Variants in CDKAL1 observed in about 807,000 individuals in gnomAD.
CDKAL1 encodes threonylcarbamoyladenosine tRNA methylthiotransferase.
In CDKAL1, 32 loss-of-function variants were observed where a neutral mutation model predicts 68.2. That is an observed-to-expected ratio of 0.47 (90% CI 0.35 to 0.63). The LOEUF is 0.63. Ranked by LOEUF, CDKAL1 falls within the 30% of genes least tolerant of loss-of-function variation. The pLI, the probability that CDKAL1 is intolerant of heterozygous loss-of-function variation, is 0.00. For missense variants in CDKAL1, 606 were observed against 696.7 expected (o/e 0.87, Z 1.47); for synonymous variants, 234 against 244.3 (o/e 0.96, Z 0.39).
chr6:20,860,037 A>G (rs1759530576), intron 9 of CDKAL1, among the ~76,000 whole-genome samples: 1 of 152,006 alleles, frequency 6.6e-6, no homozygotes, highest in South Asian at 2.1e-4. Flanking sequence ...ATTCTCTATC[A>G]TATCACTCTG....
intron 7 of CDKAL1, among the ~76,000 whole-genome samples, chr6:20,762,707 G>A (rs1774522961): frequency 6.6e-6 from 1 of 152,124 alleles, no homozygotes; most frequent in African/African-American, 2.4e-5. Flanking sequence ...ACATATTAAG[G>A]CATTAGTTCA....
At chr6:20,974,220 A>G (rs1207505415) in intron 10 of CDKAL1, among the ~76,000 whole-genome samples, 2 of 152,234 alleles carry the variant, frequency 1.3e-5, no homozygotes, top group East Asian at 3.8e-4. Context: ...CAGAAAAGAC[A>G]ATGGAAAGAC....
intron 4 of CDKAL1, among the ~76,000 whole-genome samples, chr6:20,555,625 G>GTT (rs61408771): frequency 0.13 from 15,888 of 123,610 alleles, 1,311 homozygotes; most frequent in African/African-American, 0.15. Flanking sequence ...AGCCAGAGTT[G>GTT]TTTTTTTTTT....
At chr6:20,712,286 T>C (rs1248325180) in intron 5 of CDKAL1, among the ~76,000 whole-genome samples, 1 of 152,088 alleles carries the variant, frequency 6.6e-6, no homozygotes, top group Non-Finnish European at 1.5e-5. Context: ...AATCCAAAGT[T>C]GCAATGGTCA....
rs112770945 is a variant in CDKAL1, at chr6:20,697,907, T to C, written c.372-41612T>C. Among the ~76,000 whole-genome samples the C allele has an allele frequency of 8.0e-3, 1,211 of 152,322 alleles. 18 individuals carry two copies. The highest frequency in any genetic ancestry group is 0.027 in the African/African-American group (1,128 of 41,556). The stretch of plus-strand genomic sequence containing the variant: ...GCTTTGTCTTTTTGACTGAAGTAAT[T>C]GATTGCCCCTAGATCTGAAGTTTGA... On this transcript the variant is annotated intron_variant, in intron 5 of 15. Coordinates refer to ENST00000274695, the MANE Select transcript of CDKAL1 (RefSeq NM_017774.3).
At chr6:20,644,737 G>T (rs1768358416) in intron 4 of CDKAL1, among the ~76,000 whole-genome samples, 1 of 152,192 alleles carries the variant, frequency 6.6e-6, no homozygotes, top group African/African-American at 2.4e-5. Flanking sequence ...AGGAATATTT[G>T]TTGGGTGGGG....
Position 20,723,263 on chromosome 6 carries a change from GCTGCTAACACACGCTGT to G in CDKAL1, c.372-16251_372-16235del, listed in dbSNP as rs1772473833. ...GGATGCCACCTCAAGGGCCAGCTGA[GCTGCTAACACACGCTGT>G]CTGCGGATGGCAGAACTAAAGAAGC... is the stretch of plus-strand genomic sequence containing the variant. On this transcript the variant is annotated intron_variant, in intron 5 of 15. Transcript: ENST00000274695. Among the ~76,000 whole-genome samples the G allele has an allele frequency of 3.9e-5, 6 of 152,252 alleles. No individual in the cohort carries two copies. The South Asian group carries it at 1.2e-3, about 32-fold the overall frequency.
chr6:20,653,069 G>A (rs966281095), intron 5 of CDKAL1, among the ~76,000 whole-genome samples: 8 of 152,166 alleles, frequency 5.3e-5, no homozygotes, highest in Non-Finnish European at 1.0e-4. Flanking sequence ...ATTTATTCAT[G>A]TTAATGGGTG....
intron 8 of CDKAL1, among the ~76,000 whole-genome samples, chr6:20,818,029 A>G (rs1777119659): frequency 6.6e-6 from 1 of 152,116 alleles, no homozygotes; most frequent in Non-Finnish European, 1.5e-5. Flanking sequence ...TTTACCAAGT[A>G]CTCATTTACA....
intron 5 of CDKAL1, among the ~76,000 whole-genome samples, chr6:20,671,763 T>C (rs1769827202): frequency 6.6e-6 from 1 of 152,144 alleles, no homozygotes; most frequent in South Asian, 2.1e-4. Context: ...GGTCTCGTTA[T>C]ATTGCTCAAG....
intron 10 of CDKAL1, among the ~76,000 whole-genome samples, chr6:20,980,116 A>G (rs931682294): frequency 9.9e-5 from 15 of 152,134 alleles, no homozygotes; most frequent in Non-Finnish European, 1.2e-4. Context: ...TGATCATTGT[A>G]TCATCCTTCT....
chr6:20,849,582 C>CA (rs35879846), intron 9 of CDKAL1, among the ~76,000 whole-genome samples: 57 of 105,700 alleles, frequency 5.4e-4, no homozygotes, highest in African/African-American at 9.9e-4. Context: ...GACTCCGTCT[C>CA]AAAAAAAAAA....
intron 9 of CDKAL1, among the ~76,000 whole-genome samples, chr6:20,910,419 G>A (rs1406316122): frequency 6.6e-6 from 1 of 152,166 alleles, no homozygotes; most frequent in Admixed American, 6.5e-5. Context: ...ATAGTCCATT[G>A]TTTATTGGAA....
At chr6:20,582,546 G>A (rs1263385029) in intron 4 of CDKAL1, among the ~76,000 whole-genome samples, 3 of 151,990 alleles carry the variant, frequency 2.0e-5, no homozygotes, top group African/African-American at 7.2e-5. Context: ...CTCTTTTTGA[G>A]TTGTCTGACA....
At chr6:20,668,365 A>T (rs987291092) in intron 5 of CDKAL1, among the ~76,000 whole-genome samples, 1 of 152,096 alleles carries the variant, frequency 6.6e-6, no homozygotes, top group African/African-American at 2.4e-5. Context: ...CTGTTGCCCA[A>T]GCTGGAGTGG....
At chr6:20,609,103 A>T (rs1170501559) in intron 4 of CDKAL1, among the ~76,000 whole-genome samples, 3 of 152,186 alleles carry the variant, frequency 2.0e-5, no homozygotes, top group Non-Finnish European at 2.9e-5. Flanking sequence ...TAGCAGAATA[A>T]CTGGCCTTGG....
intron 12 of CDKAL1, among the ~76,000 whole-genome samples, chr6:21,084,896 A>G (rs889013353): frequency 2.0e-5 from 3 of 152,106 alleles, no homozygotes; most frequent in Non-Finnish European, 4.4e-5. Flanking sequence ...GAGCCCCACA[A>G]TCCCCTGGGA....
intron 9 of CDKAL1, among the ~76,000 whole-genome samples, chr6:20,853,506 A>G (rs967619179): frequency 4.6e-5 from 7 of 152,204 alleles, no homozygotes; most frequent in Admixed American, 4.6e-4. Context: ...TTCATGGCAG[A>G]ACTTCTGGTT....
At chr6:20,617,103 T>C (rs915726711) in intron 4 of CDKAL1, among the ~76,000 whole-genome samples, 3 of 151,870 alleles carry the variant, frequency 2.0e-5, no homozygotes, top group Non-Finnish European at 4.4e-5. Flanking sequence ...GGCTTAATAG[T>C]TGATGTCTGT....
Sources: allele counts gnomAD v4.1 joint callset (sites outside exome capture counted in the v4.1 genomes callset), GRCh38; gene constraint gnomAD v4.1.1; transcripts MANE v1.5; gene names NCBI Gene and HGNC (gene_info 2026-07-23, HGNC 2026-07-21).